The following EMC10 variants were observed in gnomAD, a reference collection of about 807,000 sequenced individuals.
EMC10 encodes the protein ER membrane protein complex subunit 10, also known as UPF0510 protein INM02.
In EMC10, 40 loss-of-function variants were observed where a neutral mutation model predicts 32.2. That is an observed-to-expected ratio of 1.24 (90% CI 0.96 to 1.61). The LOEUF is 1.61. Ranked by LOEUF, EMC10 falls within the 40% of genes most tolerant of loss-of-function variation. The pLI, the probability that EMC10 is intolerant of heterozygous loss-of-function variation, is 0.00. For missense variants in EMC10, 402 were observed against 357.7 expected (o/e 1.12, Z -1.00); for synonymous variants, 178 against 158.4 (o/e 1.12, Z -0.93).
At position 50,482,166 on chromosome 19, in the gene EMC10, C is replaced by T. The variant is rs774685595; in HGVS notation, c.696C>T (p.Pro232=). ...GGCTGCAGTGGATGTACATCATTCCCGTCGTCCTGTTCCTCATGATGTCAG... is the reference window on the plus strand; with the variant it reads ...GGCTGCAGTGGATGTACATCATTCCTGTCGTCCTGTTCCTCATGATGTCAG... ...FFAKYWMYII[P]VVLFLMMSGA... is the part of the protein sequence containing the mutation. Residue 232 remains proline, a synonymous_variant, in exon 7 of 7, where the codon CCC becomes CCT. Transcript: ENST00000334976. The T allele has an allele frequency of 2.2e-5, 34 of 1,556,390 alleles. No individual in the cohort carries two copies. The highest frequency in any genetic ancestry group is 1.7e-4 in the South Asian group (15 of 89,980).
Position 50,484,018 on chromosome 19 carries a change from C to CCTTTTTTTTT in EMC10, c.*1759_*1760insCTTTTTTTTT, listed in dbSNP as rs2040362410. 4 of 50,778 alleles carry CCTTTTTTTTT rather than the reference C, an allele frequency of 7.9e-5. No homozygotes were observed. Among genetic ancestry groups the CCTTTTTTTTT allele is most frequent in the South Asian group, 2.1e-3 (2 of 962 alleles). 3.1% of individuals were successfully genotyped at this position (50,778 alleles called of 1,614,324 possible). A position where few individuals can be genotyped will look rare whatever the true frequency, so the allele number is the denominator to read the frequency against. ...AGGATTCCAGAAATATTTACTAATG[C>CCTTTTTTTTT]TTTTTTTTTTTTTTTTTTTTTTTTT... On this transcript the variant is annotated 3_prime_UTR_variant, in exon 7 of 7. Coordinates refer to ENST00000334976, the MANE Select transcript of EMC10 (RefSeq NM_206538.4).
In EMC10 at chr19:50,476,576, T is replaced by A; in HGVS notation, c.32T>A (p.Leu11Gln). 1.3e-6 allele frequency: 2 copies of A among 1,575,698 alleles called. No individual in the cohort carries two copies. The highest frequency in any genetic ancestry group is 1.7e-6 in the Non-Finnish European group (2 of 1,166,336). The change falls in exon 1 of 7, where the codon CTG (leucine) becomes CAG (glutamine). Residue 11 changes from leucine (L) to glutamine (Q), a missense_variant. Leu to Gln is a moderately radical substitution (Grantham distance 113). Coordinates refer to ENST00000334976, the MANE Select transcript of EMC10 (RefSeq NM_206538.4). MAAASAGATR[L>Q]LLLLLMAVAA... is the part of the protein sequence containing the mutation. The stretch of plus-strand genomic sequence containing the variant: ...GCAGCCAGCGCTGGGGCAACCCGGC[T>A]GCTCCTGCTCTTGCTGATGGCGGTA...
Position 50,479,133 on chromosome 19 carries a change from C to T in EMC10, c.297+67C>T, listed in dbSNP as rs192075653. The T allele has an allele frequency of 4.6e-6, 6 of 1,291,840 alleles. No homozygotes were observed. In the African/African-American group the frequency reaches 7.3e-5, roughly 16 times the overall value. The allele number at this position is 1,291,840 out of a possible 1,614,324, so 80.0% of individuals were successfully genotyped here. On this transcript the variant is annotated intron_variant, in intron 3 of 6. Coordinates refer to ENST00000334976, the MANE Select transcript of EMC10 (RefSeq NM_206538.4). Reference sequence around the variant, plus strand: ...GGGTTTCCAGCTGTCTCTTCAGCCACCCCCTGCTGGTCCCCAGCAGCCTTC... The same window carrying T: ...GGGTTTCCAGCTGTCTCTTCAGCCATCCCCTGCTGGTCCCCAGCAGCCTTC...
rs1236552636 is a variant in EMC10 at position 50,476,633 on chromosome 19, G to T, written c.89G>T (p.Cys30Phe). 6.5e-7 allele frequency: 1 copy of T among 1,549,028 alleles called. No homozygotes were observed. Among genetic ancestry groups the T allele is most frequent in the Admixed American group, 1.9e-5 (1 of 52,752 alleles). ...CCCAGTCGAGCCCGGGGCAGCGGCT[G>T]CCGGGCCGGGACTGGTGCGCGAGGG... ...AAPSRARGSG[C>F]RAGTGARGAG... Residue 30 changes from cysteine to phenylalanine, a missense_variant, in exon 1 of 7, where the codon TGC becomes TTC. Cys to Phe is a radical substitution (Grantham distance 205). Coordinates refer to ENST00000334976, the MANE Select transcript of EMC10 (RefSeq NM_206538.4).
Position 50,480,573 on chromosome 19 carries a change from C to G in EMC10, c.403-8C>G, listed in dbSNP as rs1479126488. 1.3e-6 allele frequency: 2 copies of G among 1,551,630 alleles called. No individual in the cohort carries two copies. Among genetic ancestry groups the G allele is most frequent in the Non-Finnish European group, 1.7e-6 (2 of 1,147,502 alleles). On this transcript the variant is annotated splice_region_variant and splice_polypyrimidine_tract_variant and intron_variant, in intron 4 of 6. Transcript: ENST00000334976. The surrounding 1 kb of genome is among the most constrained non-coding windows in gnomAD (Gnocchi z 4.4). Reference sequence around the variant, plus strand: ...TCCCCACCTCCACTGACCCCACTCCCCCCACAGTGCTCCCTGGTGGAGTCG... The same window carrying G: ...TCCCCACCTCCACTGACCCCACTCCGCCCACAGTGCTCCCTGGTGGAGTCG...
rs1308752582 is a variant in EMC10 at position 50,487,213 on chromosome 19, C to T, written c.*4954C>T. 1 of 152,206 alleles carries T rather than the reference C, an allele frequency of 6.6e-6. No individual in the cohort carries two copies. Among genetic ancestry groups the T allele is most frequent in the Non-Finnish European group, 1.5e-5 (1 of 68,064 alleles). 9.4% of individuals were successfully genotyped at this position (152,206 alleles called of 1,614,324 possible). ...TCTGAAATGGAATTCAGGTGAGGTCCCCTCAGTGCTGAGGTGCTTCATGTT... is the reference window on the plus strand; with the variant it reads ...TCTGAAATGGAATTCAGGTGAGGTCTCCTCAGTGCTGAGGTGCTTCATGTT... On this transcript the variant is annotated 3_prime_UTR_variant, in exon 7 of 7. Coordinates refer to ENST00000334976, the MANE Select transcript of EMC10 (RefSeq NM_206538.4).
rs1473297558 is a variant in EMC10 at position 50,480,251 on chromosome 19, C to G, written c.402+36C>G. The G allele has an allele frequency of 6.4e-7, 1 of 1,568,150 alleles. No homozygotes were observed. Among genetic ancestry groups the G allele is most frequent in the Middle Eastern group, 1.7e-4 (1 of 5,976 alleles). ...GTCGGGGATGAGCCCCCTTCTCCCT[C>G]GTCCTCCTCATCCCCTACCCTGGTC... On this transcript the variant is annotated intron_variant, in intron 4 of 6. Transcript: ENST00000334976. The surrounding 1 kb of genome is among the most constrained non-coding windows in gnomAD (Gnocchi z 4.4).
In EMC10 at chr19:50,486,764, G is replaced by A. The variant is rs534191439; in HGVS notation, c.*4505G>A. 6.6e-6 allele frequency: 1 copy of A among 152,232 alleles called. No individual in the cohort carries two copies. Among genetic ancestry groups the A allele is most frequent in the East Asian group, 1.9e-4 (1 of 5,190 alleles). 9.4% of individuals were successfully genotyped at this position (152,232 alleles called of 1,614,324 possible). On this transcript the variant is annotated 3_prime_UTR_variant, in exon 7 of 7. Coordinates refer to ENST00000334976, the MANE Select transcript of EMC10 (RefSeq NM_206538.4). Reference sequence around the variant, plus strand: ...ATGGGAGCCAATCCACCCACCCATAGAATGACTTGAAAATGTGTGAAGTTC... The same window carrying A: ...ATGGGAGCCAATCCACCCACCCATAAAATGACTTGAAAATGTGTGAAGTTC...
chr19:50,481,978 G>C lies in EMC10; in HGVS notation c.679-171G>C, dbSNP rs777090575. 3.1e-6 allele frequency: 5 copies of C among 1,603,980 alleles called. No homozygotes were observed. In the African/African-American group the frequency reaches 4.0e-5, roughly 13 times the overall value. ...GACCGAGACCCCTGCCCCTCCCTGC[G>C]CCCCACTGGCCCTCCCTGACCTGTA... is the stretch of plus-strand genomic sequence containing the variant. On this transcript the variant is annotated intron_variant, in intron 6 of 6. Coordinates refer to ENST00000334976, the MANE Select transcript of EMC10 (RefSeq NM_206538.4).
chr19:50,480,720 T>TC lies in EMC10; in HGVS notation c.543dup (p.Asn182GlnfsTer16), dbSNP rs1211225273. On this transcript the variant is annotated frameshift_variant, in exon 5 of 7. Transcript: ENST00000334976. LOFTEE classifies it high-confidence loss of function. The surrounding 1 kb of genome is among the most constrained non-coding windows in gnomAD (Gnocchi z 4.4). ...GTGGAGGACGTGGACCTGGAGCTGT[T>TC]CAACACCTCGGTGCAGCTGCAGCCG... The TC allele has an allele frequency of 6.2e-7, 1 of 1,605,708 alleles. No individual in the cohort carries two copies. Among genetic ancestry groups the TC allele is most frequent in the Non-Finnish European group, 8.5e-7 (1 of 1,177,024 alleles).
chr19:50,483,368 GTA>G lies in EMC10; in HGVS notation c.*1111_*1112del, dbSNP rs1378073677. ...CGACACGCAGCTAGCCTCCTGCATT[GTA>G]TGGTTATAAATAGCACCCTAGTGAG... On this transcript the variant is annotated 3_prime_UTR_variant, in exon 7 of 7. Transcript: ENST00000334976. 1 of 315,146 alleles carries G rather than the reference GTA, an allele frequency of 3.2e-6. No homozygotes were observed. Among genetic ancestry groups the G allele is most frequent in the Non-Finnish European group, 6.3e-6 (1 of 158,890 alleles). The allele number at this position is 315,146 out of a possible 1,614,324, so 19.5% of individuals were successfully genotyped here.
At position 50,480,455 on chromosome 19, in the gene EMC10, G is replaced by T; in HGVS notation, c.403-126G>T. On this transcript the variant is annotated intron_variant, in intron 4 of 6. Coordinates refer to ENST00000334976, the MANE Select transcript of EMC10 (RefSeq NM_206538.4). This position sits in a 1 kb window ranked among gnomAD's most constrained non-coding sequence, Gnocchi z 4.4. ...GGGGGCGGTTGAACTTGGGCCTGAG[G>T]GTAACAGGGAGCCATGGGAAGGTTT... 1 of 1,215,602 alleles carries T rather than the reference G, an allele frequency of 8.2e-7. No homozygotes were observed. The highest frequency in any genetic ancestry group is 1.5e-5 in the South Asian group (1 of 67,184). The allele number at this position is 1,215,602 out of a possible 1,614,324, so 75.3% of individuals were successfully genotyped here. A position where few individuals can be genotyped will look rare whatever the true frequency, so the allele number is the denominator to read the frequency against.
In EMC10 at chr19:50,485,406, TGTGCCTCAGGGGCCACTAAAGGAGCCA is replaced by T. The variant is rs1394841745; in HGVS notation, c.*3155_*3181del. 1 of 152,222 alleles carries T rather than the reference TGTGCCTCAGGGGCCACTAAAGGAGCCA, an allele frequency of 6.6e-6. No homozygotes were observed. Among genetic ancestry groups the T allele is most frequent in the Non-Finnish European group, 1.5e-5 (1 of 68,110 alleles). The allele number at this position is 152,222 out of a possible 1,614,324, so 9.4% of individuals were successfully genotyped here. A position where few individuals can be genotyped will look rare whatever the true frequency, so the allele number is the denominator to read the frequency against. The stretch of plus-strand genomic sequence containing the variant: ...TGCCTCCTGGGCTCCTTCCCCAGGA[TGTGCCTCAGGGGCCACTAAAGGAGCCA>T]GTGCCTCCCACCTGCCCGGATCGGG... On this transcript the variant is annotated 3_prime_UTR_variant, in exon 7 of 7. Coordinates refer to ENST00000334976, the MANE Select transcript of EMC10 (RefSeq NM_206538.4).
At position 50,485,217 on chromosome 19, in the gene EMC10, G is replaced by C. The variant is rs1484288601; in HGVS notation, c.*2958G>C. ...GGTGGGGCCCCACCTTGCTGGGGGA[G>C]AGGGATGTGTGTGTGATGGTGGTGC... On this transcript the variant is annotated 3_prime_UTR_variant, in exon 7 of 7. Transcript: ENST00000334976. The C allele has an allele frequency of 1.3e-5, 2 of 152,218 alleles. No homozygotes were observed. Among genetic ancestry groups the C allele is most frequent in the African/African-American group, 4.8e-5 (2 of 41,426 alleles). The allele number at this position is 152,218 out of a possible 1,614,324, so 9.4% of individuals were successfully genotyped here.
chr19:50,485,413 CAG>C lies in EMC10; in HGVS notation c.*3155_*3156del, dbSNP rs1426301738. ...TGGGCTCCTTCCCCAGGATGTGCCT[CAG>C]GGGCCACTAAAGGAGCCAGTGCCTC... On this transcript the variant is annotated 3_prime_UTR_variant, in exon 7 of 7. Transcript: ENST00000334976. The C allele has an allele frequency of 2.0e-5, 3 of 152,194 alleles. No homozygotes were observed. The highest frequency in any genetic ancestry group is 4.4e-5 in the Non-Finnish European group (3 of 68,112). The allele number at this position is 152,194 out of a possible 1,614,324, so 9.4% of individuals were successfully genotyped here. A position where few individuals can be genotyped will look rare whatever the true frequency, so the allele number is the denominator to read the frequency against.
chr19:50,482,213 A>C lies in EMC10; in HGVS notation c.743A>C (p.Gln248Pro), dbSNP rs756594080. ...MMSGAPDTGG[Q>P]GGGGGGGGGG... is the part of the protein sequence containing the mutation. Reference sequence around the variant, plus strand: ...TCAGGAGCGCCAGACACCGGGGGCCAGGGTGGGGGTGGGGGTGGGGGTGGT... The same window carrying C: ...TCAGGAGCGCCAGACACCGGGGGCCCGGGTGGGGGTGGGGGTGGGGGTGGT... The change falls in exon 7 of 7, where the codon CAG becomes CCG. Residue 248 changes from glutamine to proline, a missense_variant. Transcript: ENST00000334976. 2.3e-5 allele frequency: 3 copies of C among 131,700 alleles called. No homozygotes were observed. Among genetic ancestry groups the C allele is most frequent in the Non-Finnish European group, 3.9e-5 (3 of 77,680 alleles). The allele number at this position is 131,700 out of a possible 1,614,324, so 8.2% of individuals were successfully genotyped here. A position where few individuals can be genotyped will look rare whatever the true frequency, so the allele number is the denominator to read the frequency against.
rs558947754 is a variant in EMC10 at position 50,478,015 on chromosome 19, C to T, written c.187+14C>T. 18 of 1,598,656 alleles carry T rather than the reference C, an allele frequency of 1.1e-5. No homozygotes were observed. The highest frequency in any genetic ancestry group is 2.3e-5 in the East Asian group (1 of 43,606). On this transcript the variant is annotated intron_variant, in intron 2 of 6. Transcript: ENST00000334976. ...CATTTGAGATCGGTGAGTCAGGCAA[C>T]GTCCTCTCCTAGACACTTAACATTG...
chr19:50,483,315 T>C lies in EMC10; in HGVS notation c.*1056T>C. ...CTGTGTGGAGCTCAGCTGTGTTGTG[T>C]GGCAGTTTATTAAACTGTCCCCCAG... On this transcript the variant is annotated 3_prime_UTR_variant, in exon 7 of 7. Coordinates refer to ENST00000334976, the MANE Select transcript of EMC10 (RefSeq NM_206538.4). 1 of 347,654 alleles carries C rather than the reference T, an allele frequency of 2.9e-6. No homozygotes were observed. Among genetic ancestry groups the C allele is most frequent in the Non-Finnish European group, 5.7e-6 (1 of 174,262 alleles). The allele number at this position is 347,654 out of a possible 1,614,324, so 21.5% of individuals were successfully genotyped here.
Position 50,488,165 on chromosome 19 carries a change from A to G in EMC10, c.*5906A>G, listed in dbSNP as rs944176261. Reference sequence around the variant, plus strand: ...AAAAAAATTAGCAGGGCATGGTGGCAGGCGCCTGTAGTCCCAGCTACTCGG... The same window carrying G: ...AAAAAAATTAGCAGGGCATGGTGGCGGGCGCCTGTAGTCCCAGCTACTCGG... On this transcript the variant is annotated 3_prime_UTR_variant, in exon 7 of 7. Transcript: ENST00000334976. 7 of 151,816 alleles carry G rather than the reference A, an allele frequency of 4.6e-5. No homozygotes were observed. Among genetic ancestry groups the G allele is most frequent in the East Asian group, 2.0e-4 (1 of 5,094 alleles). 9.4% of individuals were successfully genotyped at this position (151,816 alleles called of 1,614,324 possible).
Sources: allele counts gnomAD v4.1 joint callset, GRCh38; gene constraint gnomAD v4.1.1; non-coding constraint Gnocchi (gnomAD v3.1); transcripts MANE v1.5; gene names NCBI Gene and HGNC (gene_info 2026-07-23, HGNC 2026-07-21).